The following TMEM161B variants were observed in gnomAD, a reference collection of about 807,000 sequenced individuals.
TMEM161B encodes transmembrane protein 161B.
TMEM161B carries 34 observed loss-of-function variants against 61.8 expected under a neutral mutation model. The ratio of observed to expected loss-of-function variants is 0.55; its 90% confidence interval spans 0.42 to 0.73. The LOEUF (loss-of-function observed/expected upper bound fraction) is 0.73. Among genes scored for constraint, TMEM161B ranks in the 30% least tolerant of loss-of-function variants. TMEM161B has a pLI of 0.00. For synonymous variants in TMEM161B, 167 were observed against 192.8 expected (o/e 0.87, Z 1.11); for missense variants, 456 against 558.5 (o/e 0.82, Z 1.85).
At chr5:88,220,751 A>AAAT in intron 4 of TMEM161B, 32 bp from the exon 5 acceptor site, 9 of 1,407,706 alleles carry the variant, frequency 6.4e-6, no homozygotes, top group Non-Finnish European at 7.6e-6. Context: ...AAAAAAAAAA[A>AAAT]GGTCAAAAAA....
chr5:88,223,150 T>C (rs780139201), intron 4 of TMEM161B, among the ~76,000 whole-genome samples: 2 of 151,206 alleles, frequency 1.3e-5, no homozygotes, highest in Non-Finnish European at 2.9e-5. Context: ...TTTTAGTTCG[T>C]TGAAATAGCC....
At chr5:88,260,377 C>T (rs377476315) in intron 1 of TMEM161B, among the ~76,000 whole-genome samples, 38 of 152,124 alleles carry the variant, frequency 2.5e-4, no homozygotes, top group African/African-American at 5.6e-4. Context: ...CTATAAAAAT[C>T]ATAGAATTCT....
intron 1 of TMEM161B, among the ~76,000 whole-genome samples, chr5:88,254,500 G>C (rs115489978): frequency 2.2e-3 from 334 of 152,204 alleles, no homozygotes; most frequent in African/African-American, 7.6e-3. Flanking sequence ...CCAAGCACCT[G>C]CAAATCTGCA....
rs1307344321 is a variant in TMEM161B, at chr5:88,256,322, T to TG, written c.3+12398dup. Among the ~76,000 whole-genome samples, 3 of 152,318 alleles carry TG rather than the reference T, an allele frequency of 2.0e-5. No individual in the cohort carries two copies. The East Asian group carries it at 5.8e-4, about 29-fold the overall frequency. ...AGCCACTTAATCTCTAGCCAAGACA[T>TG]GCATAAATGTTTCATTACAGTACTA... On this transcript the variant is annotated intron_variant, in intron 1 of 11. Transcript: ENST00000296595.
chr5:88,261,162 C>T (rs1459793838), intron 1 of TMEM161B, among the ~76,000 whole-genome samples: 1 of 152,024 alleles, frequency 6.6e-6, no homozygotes, highest in Non-Finnish European at 1.5e-5. Flanking sequence ...ATTAAAAATA[C>T]TATTTACATT....
At chr5:88,211,298 CAT>C (rs1364286238) in intron 5 of TMEM161B, among the ~76,000 whole-genome samples, 1 of 151,276 alleles carries the variant, frequency 6.6e-6, no homozygotes, top group Non-Finnish European at 1.5e-5. Flanking sequence ...TATTTATAAA[CAT>C]AGGATATGCA....
intron 1 of TMEM161B, among the ~76,000 whole-genome samples, chr5:88,253,554 G>A (rs1209242964): frequency 6.6e-6 from 1 of 152,170 alleles, no homozygotes; most frequent in Non-Finnish European, 1.5e-5. Context: ...CAGAAATAAT[G>A]TGAAGTTCCA....
At chr5:88,249,195 A>C (rs1216185678) in intron 1 of TMEM161B, among the ~76,000 whole-genome samples, 1 of 152,126 alleles carries the variant, frequency 6.6e-6, no homozygotes, top group East Asian at 1.9e-4. Flanking sequence ...AAAGCTGTCC[A>C]TGGGAGGGAA....
chr5:88,245,235 A>C (rs1227102497), intron 1 of TMEM161B, among the ~76,000 whole-genome samples: 1 of 151,852 alleles, frequency 6.6e-6, no homozygotes, highest in Non-Finnish European at 1.5e-5. Context: ...TTTTCTACTG[A>C]CCTAACATCA....
chr5:88,188,991 CCTCACTCACTAGCGGGAGTTCTCA>C (rs1452110937), downstream of TMEM161B, among the ~76,000 whole-genome samples: 1 of 152,130 alleles, frequency 6.6e-6, no homozygotes, highest in Non-Finnish European at 1.5e-5. Flanking sequence ...CCTTTGAGAA[CCTCACTCACTAGCGGGAGTTCTCA>C]CTCTCATCTA....
intron 5 of TMEM161B, among the ~76,000 whole-genome samples, chr5:88,212,920 A>G (rs934620529): frequency 5.3e-5 from 8 of 152,250 alleles, no homozygotes; most frequent in Non-Finnish European, 1.2e-4. Flanking sequence ...GAATAAACAT[A>G]GAGATTTCTC....
chr5:88,244,438 G>A (rs1753268912), intron 1 of TMEM161B, among the ~76,000 whole-genome samples: 1 of 151,734 alleles, frequency 6.6e-6, no homozygotes, highest in Non-Finnish European at 1.5e-5. Context: ...AAGATCACAT[G>A]GTTGCAGGTG....
rs115653807 is a variant in TMEM161B, at chr5:88,217,983, G to A, written c.446+2580C>T. Among the ~76,000 whole-genome samples, 1,218 of 150,372 alleles carry A rather than the reference G, an allele frequency of 8.1e-3. 8 individuals are homozygous for A. The highest frequency in any genetic ancestry group is 0.028 in the African/African-American group (1,149 of 41,090). ...CGGGAAGATAATGTAATCATAAAAC[G>A]AGCAGAATTCCATCAAAGGGGCAGG... On this transcript the variant is annotated intron_variant, in intron 5 of 11. Coordinates refer to ENST00000296595, the MANE Select transcript of TMEM161B (RefSeq NM_153354.5).
chr5:88,235,512 T>C (rs908738754), intron 2 of TMEM161B, among the ~76,000 whole-genome samples: 9 of 152,128 alleles, frequency 5.9e-5, no homozygotes, highest in Admixed American at 1.3e-4. Context: ...AATAGGATTA[T>C]TGCCCTTTTA....
chr5:88,259,312 T>G (rs956434243), intron 1 of TMEM161B: 4 of 152,178 alleles, frequency 2.6e-5, no homozygotes, highest in African/African-American at 9.7e-5. Flanking sequence ...GTCTGCTGAA[T>G]GTATGGAAGG....
At chr5:88,224,959 GTTTTTGTTT>G (rs1265732015) in intron 4 of TMEM161B, among the ~76,000 whole-genome samples, 26 of 101,218 alleles carry the variant, frequency 2.6e-4, no homozygotes, top group African/African-American at 9.3e-4. Context: ...CACAAAATAT[GTTTTTGTTT>G]TTTTTTTTTT....
At chr5:88,255,067 T>TA (rs1754793137) in intron 1 of TMEM161B, among the ~76,000 whole-genome samples, 1 of 152,084 alleles carries the variant, frequency 6.6e-6, no homozygotes, top group African/African-American at 2.4e-5. Context: ...AAACCAGAAT[T>TA]ACCACTCTGG....
chr5:88,209,632 C>T (rs1746286056), intron 5 of TMEM161B, among the ~76,000 whole-genome samples: 1 of 152,160 alleles, frequency 6.6e-6, no homozygotes, highest in South Asian at 2.1e-4. Context: ...ATCACTGCAT[C>T]CTCACTTCAT....
chr5:88,225,121 C>T (rs1184676282), intron 4 of TMEM161B, among the ~76,000 whole-genome samples: 1 of 151,938 alleles, frequency 6.6e-6, no homozygotes, highest in East Asian at 1.9e-4. Context: ...GCGCCTGCCA[C>T]CACGCCTGGC....
Sources: allele counts gnomAD v4.1 joint callset (sites outside exome capture counted in the v4.1 genomes callset), GRCh38; gene constraint gnomAD v4.1.1; transcripts MANE v1.5; gene names NCBI Gene and HGNC (gene_info 2026-07-23, HGNC 2026-07-21).